The following APBB2 variants were observed in gnomAD, a reference collection of about 807,000 sequenced individuals.
The protein encoded by APBB2 is Fe65-like 1.
APBB2 carries 38 observed loss-of-function variants against 82.5 expected under a neutral mutation model. That is an observed-to-expected ratio of 0.46 (90% CI 0.36 to 0.60). The LOEUF (loss-of-function observed/expected upper bound fraction) is 0.60, where lower values mean the gene tolerates loss of function less well. APBB2 is among the 20% of genes least tolerant of loss of function. The probability of loss-of-function intolerance (pLI) is 0.00; values close to 1 mark genes in which losing one functional copy is unlikely to be tolerated. For synonymous variants in APBB2, 341 were observed against 368.2 expected, an observed-to-expected ratio of 0.93 and a Z score of 0.85; for missense variants, 772 against 972.3, an observed-to-expected ratio of 0.79 and a Z score of 2.74.
intron 12 of APBB2, among the ~76,000 whole-genome samples, chr4:40,878,528 C>T (rs534864706): frequency 1.3e-5 from 2 of 152,264 alleles, no homozygotes; most frequent in South Asian, 4.1e-4. Context: ...CCCTGCCATG[C>T]CCCCTGTCCG....
chr4:41,036,686 G>A (rs530944690), intron 4 of APBB2, among the ~76,000 whole-genome samples: 1 of 152,170 alleles, frequency 6.6e-6, no homozygotes, highest in Non-Finnish European at 1.5e-5. Flanking sequence ...GCTTTCCTGA[G>A]AAAGTCAAAT....
rs543830930 is a variant in APBB2, at chr4:41,066,832, G to T, written c.-148-1159C>A. 2.0e-5 allele frequency among the ~76,000 whole-genome samples: 3 copies of T among 152,290 alleles called. No homozygotes were observed. In the South Asian group the frequency reaches 6.2e-4, roughly 32 times the overall value. ...TTTATCCTGGGTGTAAACAGCCACT[G>T]ATGGGTCAGATCTGGGTTTTGGATG... On this transcript the variant is annotated intron_variant, in intron 3 of 17. Transcript: ENST00000508593.
rs1553930075 is a variant in APBB2 at position 40,832,013 on chromosome 4, T to TACACACACACACACACAC, written c.1530-1454_1530-1437dup. On this transcript the variant is annotated intron_variant, in intron 12 of 17. Transcript: ENST00000508593. The surrounding 1 kb of genome is among the most constrained non-coding windows in gnomAD (Gnocchi z 4.8). ...ACACATATTTATATATTTATTTATA[T>TACACACACACACACACAC]ACACACACACACACACACACACACA... Among the ~76,000 whole-genome samples, 411 of 138,960 alleles carry TACACACACACACACACAC rather than the reference T, an allele frequency of 3.0e-3. 1 individual carries two copies. Among genetic ancestry groups the TACACACACACACACACAC allele is most frequent in the Middle Eastern group, 0.011 (3 of 278 alleles). 91.2% of individuals were successfully genotyped at this position (138,960 alleles called of 152,430 possible).
intron 7 of APBB2, among the ~76,000 whole-genome samples, chr4:40,939,390 T>C (rs1343888271): frequency 1.3e-5 from 2 of 152,170 alleles, no homozygotes; most frequent in African/African-American, 2.4e-5. Context: ...GAGGGTGCCC[T>C]GCAAATGAGT....
intron 2 of APBB2, among the ~76,000 whole-genome samples, chr4:41,140,596 C>T (rs11726507): frequency 2.0e-5 from 3 of 152,144 alleles, no homozygotes; most frequent in African/African-American, 7.2e-5. Context: ...ACACCAGGGG[C>T]CCCTGGTACC....
intron 2 of APBB2, among the ~76,000 whole-genome samples, chr4:41,117,332 A>T (rs1751359809): frequency 1.4e-5 from 2 of 146,012 alleles, no homozygotes; most frequent in African/African-American, 2.5e-5. Context: ...TCACTCTGTC[A>T]CCCAGGCTGG....
chr4:40,899,193 A>G (rs754014234), intron 10 of APBB2, among the ~76,000 whole-genome samples: 1 of 152,254 alleles, frequency 6.6e-6, no homozygotes, highest in Non-Finnish European at 1.5e-5. Flanking sequence ...TTGTCTCACA[A>G]CAAATGTTGT....
chr4:40,935,058 G>T lies in APBB2; in HGVS notation c.1107+19C>A, dbSNP rs1251026271. On this transcript the variant is annotated intron_variant, in intron 8 of 17. Transcript: ENST00000508593. ...AAGGATAAAATATTAAATGATCTAA[G>T]ATCTGACAATATACTTGCCTTCCAA... 2 of 1,510,744 alleles carry T rather than the reference G, an allele frequency of 1.3e-6. No homozygotes were observed. The highest frequency in any genetic ancestry group is 4.9e-5 in the East Asian group (2 of 40,814). 93.6% of individuals were successfully genotyped at this position (1,510,744 alleles called of 1,614,324 possible). A position where few individuals can be genotyped will look rare whatever the true frequency, so the allele number is the denominator to read the frequency against.
chr4:40,858,454 C>CAAA (rs34433911), intron 12 of APBB2, among the ~76,000 whole-genome samples: 44 of 57,642 alleles, frequency 7.6e-4, no homozygotes, highest in East Asian at 2.2e-3. Context: ...GAGTCCGTCT[C>CAAA]AAAAAAAAAA....
intron 1 of APBB2, among the ~76,000 whole-genome samples, chr4:41,171,792 C>T (rs1430499212): frequency 1.3e-5 from 2 of 152,154 alleles, no homozygotes; most frequent in Non-Finnish European, 2.9e-5. Flanking sequence ...AACCCCATCT[C>T]TACCAAAAGT....
intron 6 of APBB2, among the ~76,000 whole-genome samples, chr4:41,012,650 T>C (rs992444166): frequency 2.0e-5 from 3 of 152,210 alleles, no homozygotes; most frequent in African/African-American, 7.2e-5. Flanking sequence ...ACCTTATCGA[T>C]TGTAAAAATG....
intron 3 of APBB2, among the ~76,000 whole-genome samples, chr4:41,082,934 G>A (rs2341853): frequency 0.046 from 6,977 of 151,760 alleles, 319 homozygotes; most frequent in African/African-American, 0.12. Flanking sequence ...AGGCCGAGGC[G>A]GGAAGATCAC....
chr4:40,820,296 A>G (rs1747395793), intron 17 of APBB2, among the ~76,000 whole-genome samples: 1 of 152,186 alleles, frequency 6.6e-6, no homozygotes, highest in African/African-American at 2.4e-5. Context: ...CTCCTGGCTG[A>G]TCGCCACCTC....
intron 10 of APBB2, among the ~76,000 whole-genome samples, chr4:40,908,755 C>T: frequency 6.6e-6 from 1 of 152,168 alleles, no homozygotes; most frequent in Non-Finnish European, 1.5e-5. Flanking sequence ...TTGGGCTGGT[C>T]CCGAGGCTTC....
chr4:40,956,703 A>C (rs181010219), intron 6 of APBB2, among the ~76,000 whole-genome samples: 76 of 152,218 alleles, frequency 5.0e-4, no homozygotes, highest in Admixed American at 3.8e-3. Flanking sequence ...AATTAATGTT[A>C]AGATTTCTGA....
At chr4:40,838,274 T>C (rs1349447601) in intron 12 of APBB2, among the ~76,000 whole-genome samples, 1 of 150,404 alleles carries the variant, frequency 6.6e-6, no homozygotes, top group African/African-American at 2.4e-5. Context: ...GTGATTCTCA[T>C]GCCTTGGCTT....
At chr4:41,136,193 G>A (rs996798486) in intron 2 of APBB2, among the ~76,000 whole-genome samples, 3 of 152,160 alleles carry the variant, frequency 2.0e-5, no homozygotes, top group African/African-American at 7.2e-5. Context: ...CTCTAACCCA[G>A]CCATGCTTTG....
At chr4:41,150,580 T>A (rs945306575) in intron 1 of APBB2, among the ~76,000 whole-genome samples, 8 of 152,208 alleles carry the variant, frequency 5.3e-5, no homozygotes, top group African/African-American at 1.9e-4. Flanking sequence ...ATTACTGCCC[T>A]CATGAAGCCT....
At chr4:41,032,512 G>T (rs77110672) in intron 5 of APBB2, among the ~76,000 whole-genome samples, 3,068 of 150,590 alleles carry the variant, frequency 0.02, 49 homozygotes, top group Non-Finnish European at 0.031. Context: ...GGGGCGGGGG[G>T]GGTTTCTGTC....
Sources: gnomAD v4.1 joint callset for allele counts (sites outside exome capture counted in the v4.1 genomes callset) on GRCh38, gnomAD v4.1.1 for gene constraint, Gnocchi (gnomAD v3.1) non-coding constraint, MANE v1.5 for transcripts, NCBI Gene and HGNC (gene_info 2026-07-23, HGNC 2026-07-21) for gene names.